The following LIN9 variants were observed in gnomAD, a reference collection of about 807,000 sequenced individuals.
LIN9 encodes the protein protein lin-9 homolog.
A neutral mutation model predicts 78.0 loss-of-function variants in LIN9; 18 were observed. That is an observed-to-expected ratio of 0.23 (90% CI 0.16 to 0.34). The LOEUF (loss-of-function observed/expected upper bound fraction) is 0.34, where lower values mean the gene tolerates loss of function less well. Ranked by LOEUF, LIN9 falls within the 10% of genes least tolerant of loss-of-function variation. The pLI is 1.00. For synonymous variants in LIN9, 192 were observed against 215.2 expected, an observed-to-expected ratio of 0.89 and a Z score of 0.94; for missense variants, 451 against 644.1, an observed-to-expected ratio of 0.70 and a Z score of 3.25.
chr1:226,306,425 G>C (rs987972096), intron 1 of LIN9, among the ~76,000 whole-genome samples: 1 of 152,160 alleles, frequency 6.6e-6, no homozygotes, highest in African/African-American at 2.4e-5. Context: ...CGAATCACTA[G>C]AAGTATCTGT....
chr1:226,276,272 A>C (rs1660650105), intron 7 of LIN9, among the ~76,000 whole-genome samples: 1 of 152,212 alleles, frequency 6.6e-6, no homozygotes. Context: ...CTCTGGCATA[A>C]ATCAGTATGT....
chr1:226,264,784 G>T (rs1383699509), intron 10 of LIN9, among the ~76,000 whole-genome samples: 1 of 152,110 alleles, frequency 6.6e-6, no homozygotes, highest in African/African-American at 2.4e-5. Context: ...AGGAGGTAGA[G>T]GTTGCAGTGA....
At position 226,265,595 on chromosome 1, in the gene LIN9, T is replaced by C; in HGVS notation, c.976A>G (p.Lys326Glu). ...PLLGQSPWRS[K>E]ISGSDTETLG... ...GTTTCAGTGTCAGAGCCAGAAATTT[T>C]ACTTCTCCACGGCGACTGTCCTAAT... The change falls in exon 10 of 15, where the codon AAA (lysine) becomes GAA (glutamate). Residue 326 changes from lysine (K) to glutamate (E), a missense_variant. By Grantham distance (56) the Lys-to-Glu change is moderately conservative (BLOSUM62 1). Transcript: ENST00000681046. The surrounding 1 kb of genome is among the most constrained non-coding windows in gnomAD (Gnocchi z 4.1). 1 of 1,611,914 alleles carries C rather than the reference T, an allele frequency of 6.2e-7. No individual in the cohort carries two copies. Among genetic ancestry groups the C allele is most frequent in the Non-Finnish European group, 8.5e-7 (1 of 1,178,138 alleles).
chr1:226,261,890 T>A (rs1257207711), intron 10 of LIN9, among the ~76,000 whole-genome samples: 1 of 152,164 alleles, frequency 6.6e-6, no homozygotes, highest in Non-Finnish European at 1.5e-5. Context: ...CCTACAGTAA[T>A]CAAGACAGTG....
intron 14 of LIN9, chr1:226,232,831 C>T: frequency 2.0e-6 from 1 of 504,368 alleles, no homozygotes; most frequent in Non-Finnish European, 3.4e-6. Context: ...AGATGAGTCT[C>T]TCACTGACTG....
chr1:226,263,914 C>T (rs78485148), intron 10 of LIN9, among the ~76,000 whole-genome samples: 4,139 of 151,950 alleles, frequency 0.027, 165 homozygotes, highest in African/African-American at 0.093. Flanking sequence ...TCTACAAAAC[C>T]AATAAAAAAT....
chr1:226,292,218 T>C (rs1448651715), intron 4 of LIN9, among the ~76,000 whole-genome samples: 1 of 152,026 alleles, frequency 6.6e-6, no homozygotes, highest in East Asian at 1.9e-4. Flanking sequence ...TGGAGTGTAG[T>C]GGCGCAATTT....
intron 10 of LIN9, among the ~76,000 whole-genome samples, chr1:226,261,876 T>C (rs937484962): frequency 2.0e-5 from 3 of 152,138 alleles, no homozygotes; most frequent in African/African-American, 7.2e-5. Context: ...AAACATACTA[T>C]AAACCTACAG....
chr1:226,295,236 G>C (rs2169569), intron 4 of LIN9, among the ~76,000 whole-genome samples: 7,447 of 151,910 alleles, frequency 0.049, 289 homozygotes, highest in South Asian at 0.19. Flanking sequence ...GATCACTTGA[G>C]GTCAGGAGTT....
chr1:226,291,045 CTG>C (rs1448744184), intron 4 of LIN9, among the ~76,000 whole-genome samples: 3 of 152,202 alleles, frequency 2.0e-5, no homozygotes, highest in Admixed American at 2.0e-4. Context: ...GTGTGAGCCA[CTG>C]TGCATGGTCC....
upstream of LIN9, chr1:226,309,703 C>A (rs1299352282): frequency 2.3e-6 from 3 of 1,287,108 alleles, no homozygotes; most frequent in Non-Finnish European, 3.0e-6. Context: ...CAGCCCCCTG[C>A]GCGTCGCGAC....
intron 6 of LIN9, among the ~76,000 whole-genome samples, chr1:226,284,103 G>GT (rs1424170616): frequency 6.6e-6 from 1 of 151,924 alleles, no homozygotes; most frequent in Admixed American, 6.6e-5. Flanking sequence ...AGAACAACTT[G>GT]TTTTTTTCTA....
chr1:226,253,564 G>C (rs898537239), intron 10 of LIN9, among the ~76,000 whole-genome samples: 5 of 151,370 alleles, frequency 3.3e-5, no homozygotes, highest in Non-Finnish European at 7.4e-5. Flanking sequence ...CAAAGTGCTG[G>C]GATTACATAC....
intron 4 of LIN9, among the ~76,000 whole-genome samples, chr1:226,290,779 C>A (rs1335354807): frequency 6.6e-6 from 1 of 152,002 alleles, no homozygotes; most frequent in Non-Finnish European, 1.5e-5. Context: ...TTTTTTAACA[C>A]AGCGTCTTGC....
chr1:226,280,819 AAAC>A (rs1661001215), intron 6 of LIN9, among the ~76,000 whole-genome samples: 1 of 152,190 alleles, frequency 6.6e-6, no homozygotes, highest in African/African-American at 2.4e-5. Context: ...CTTCTGGTGT[AAAC>A]AACATCTTTT....
intron 11 of LIN9, among the ~76,000 whole-genome samples, chr1:226,241,452 T>C (rs1042863134): frequency 6.6e-6 from 1 of 152,254 alleles, no homozygotes; most frequent in Admixed American, 6.5e-5. Context: ...CAAAAGTCTC[T>C]ATCTTCATCT....
chr1:226,304,398 G>A (rs796366714), intron 1 of LIN9, among the ~76,000 whole-genome samples: 24 of 152,278 alleles, frequency 1.6e-4, no homozygotes, highest in African/African-American at 5.8e-4. Flanking sequence ...CCTACCATAA[G>A]CACTGTTAGG....
intron 1 of LIN9, among the ~76,000 whole-genome samples, chr1:226,307,462 C>T (rs1455526433): frequency 6.6e-6 from 1 of 152,016 alleles, no homozygotes; most frequent in Non-Finnish European, 1.5e-5. Flanking sequence ...GAGAAACCCC[C>T]ATCTCTACTA....
chr1:226,285,106 G>C (rs1414025066), intron 6 of LIN9, among the ~76,000 whole-genome samples: 1 of 152,136 alleles, frequency 6.6e-6, no homozygotes, highest in Non-Finnish European at 1.5e-5. Flanking sequence ...TATGGTAAGA[G>C]AATAGAAGAT....
Sources: allele counts gnomAD v4.1 joint callset (sites outside exome capture counted in the v4.1 genomes callset), GRCh38; gene constraint gnomAD v4.1.1; non-coding constraint Gnocchi (gnomAD v3.1); transcripts MANE v1.5; gene names NCBI Gene and HGNC (gene_info 2026-07-23, HGNC 2026-07-21).